CACNA2D3: variants seen among roughly 807,000 people sequenced by gnomAD.
The protein encoded by CACNA2D3 is calcium voltage-gated channel auxiliary subunit alpha2delta 3.
CACNA2D3 carries 60 observed loss-of-function variants against 160.6 expected under a neutral mutation model. That is an observed-to-expected ratio of 0.37 (90% CI 0.30 to 0.46). CACNA2D3 has a LOEUF of 0.46. Ranked by LOEUF, CACNA2D3 falls within the 20% of genes least tolerant of loss-of-function variation. The pLI is 1.00. For missense variants in CACNA2D3, 1,205 were observed against 1,365.0 expected, an observed-to-expected ratio of 0.88 and a Z score of 1.85; for synonymous variants, 558 against 492.9, an observed-to-expected ratio of 1.13 and a Z score of -1.75.
Position 54,799,730 on chromosome 3 carries a change from A to G in CACNA2D3, c.1381-17123A>G, listed in dbSNP as rs543330336. Among the ~76,000 whole-genome samples, 4 of 152,278 alleles carry G rather than the reference A, an allele frequency of 2.6e-5. No individual in the cohort carries two copies. In the East Asian group the frequency reaches 5.8e-4, roughly 22 times the overall value. On this transcript the variant is annotated intron_variant, in intron 13 of 37. Transcript: ENST00000474759. ...CTGGTGAGGTTTTCCTTGGAGGACC[A>G]TTCTGGCCATTATTGACTCTCTGGG... is the stretch of plus-strand genomic sequence containing the variant.
chr3:54,978,526 A>T (rs1454699093), intron 29 of CACNA2D3, among the ~76,000 whole-genome samples: 1 of 152,256 alleles, frequency 6.6e-6, no homozygotes, highest in Non-Finnish European at 1.5e-5. Flanking sequence ...AAAAGTGCTC[A>T]GTGTAAGAAA....
At chr3:54,804,744 A>T (rs1441278858) in intron 13 of CACNA2D3, among the ~76,000 whole-genome samples, 2 of 152,212 alleles carry the variant, frequency 1.3e-5, no homozygotes, top group African/African-American at 4.8e-5. Context: ...TCCACAGAAC[A>T]TACATTTTTT....
chr3:55,013,685 G>A (rs1281724470), intron 34 of CACNA2D3, among the ~76,000 whole-genome samples: 4 of 152,230 alleles, frequency 2.6e-5, no homozygotes, highest in Middle Eastern at 6.8e-3. Context: ...GAAGGGGACT[G>A]TGGAAGCCCA....
intron 4 of CACNA2D3, among the ~76,000 whole-genome samples, chr3:54,412,607 G>GTTGTTTTTTTTTTTTTTTTT (rs1342144952): frequency 2.5e-5 from 1 of 40,430 alleles, no homozygotes; most frequent in African/African-American, 7.3e-5. Flanking sequence ...TTCTGGTCTT[G>GTTGTTTTTTTTTTTTTTTTT]TTCTTTTTTT....
chr3:54,339,305 C>G (rs985205695), intron 3 of CACNA2D3, among the ~76,000 whole-genome samples: 17 of 152,140 alleles, frequency 1.1e-4, no homozygotes, highest in Admixed American at 4.6e-4. Context: ...ATTCAGGGTT[C>G]CTCTTGGATT....
intron 13 of CACNA2D3, among the ~76,000 whole-genome samples, chr3:54,783,159 G>A (rs4293674): frequency 0.02 from 3,033 of 152,176 alleles, 90 homozygotes; most frequent in African/African-American, 0.067. Flanking sequence ...TCCTGCATAC[G>A]TGTGTGTCCT....
intron 14 of CACNA2D3, among the ~76,000 whole-genome samples, chr3:54,836,793 G>A (rs1157051173): frequency 2.0e-5 from 3 of 152,006 alleles, no homozygotes; most frequent in Non-Finnish European, 4.4e-5. Flanking sequence ...TTTAGATTAC[G>A]GAGAAGCACT....
intron 4 of CACNA2D3, among the ~76,000 whole-genome samples, chr3:54,472,549 G>A (rs1700752645): frequency 6.6e-6 from 1 of 152,294 alleles, no homozygotes; most frequent in Non-Finnish European, 1.5e-5. Context: ...AGTCAGGCAA[G>A]AGAAAGAAAT....
intron 35 of CACNA2D3, among the ~76,000 whole-genome samples, chr3:55,053,153 T>G (rs2107209271): frequency 6.6e-6 from 1 of 152,200 alleles, no homozygotes; most frequent in Non-Finnish European, 1.5e-5. Context: ...TCCCACTGGT[T>G]TCTCTCCACC....
chr3:54,846,388 T>TA lies in CACNA2D3; in HGVS notation c.1552-4dup, dbSNP rs752843229. On this transcript the variant is annotated splice_region_variant and splice_polypyrimidine_tract_variant and intron_variant, in intron 16 of 37. Coordinates refer to ENST00000474759, the MANE Select transcript of CACNA2D3 (RefSeq NM_018398.3). The stretch of plus-strand genomic sequence containing the variant: ...TGAAGGTTTCTTTCTTGCTTCCTCT[T>TA]ACAGTTAGGGATTCACGGTTATGCC... 1.9e-6 allele frequency: 3 copies of TA among 1,596,900 alleles called. No individual in the cohort carries two copies. The highest frequency in any genetic ancestry group is 1.1e-5 in the South Asian group (1 of 88,092).
chr3:54,419,415 A>G (rs1195768643), intron 4 of CACNA2D3, among the ~76,000 whole-genome samples: 2 of 152,246 alleles, frequency 1.3e-5, no homozygotes, highest in Non-Finnish European at 2.9e-5. Flanking sequence ...GTTGTTTTAC[A>G]CAAGTACCTT....
At chr3:54,484,870 G>A (rs1305530015) in intron 4 of CACNA2D3, among the ~76,000 whole-genome samples, 2 of 147,130 alleles carry the variant, frequency 1.4e-5, no homozygotes, top group East Asian at 2.0e-4. Context: ...TTTGGGGGAT[G>A]GAGTCTTACT....
intron 2 of CACNA2D3, among the ~76,000 whole-genome samples, chr3:54,283,583 G>A (rs1187860400): frequency 6.6e-6 from 1 of 152,198 alleles, no homozygotes; most frequent in Non-Finnish European, 1.5e-5. Flanking sequence ...GGCTTTCATT[G>A]TAGTGTGATA....
chr3:54,907,272 C>G (rs1700467308), intron 27 of CACNA2D3, among the ~76,000 whole-genome samples: 1 of 152,286 alleles, frequency 6.6e-6, no homozygotes, highest in South Asian at 2.1e-4. Context: ...GGCCTCACCC[C>G]TGTGCCTTCC....
At chr3:54,784,484 A>G (rs958982623) in intron 13 of CACNA2D3, among the ~76,000 whole-genome samples, 2 of 151,958 alleles carry the variant, frequency 1.3e-5, no homozygotes, top group East Asian at 3.9e-4. Context: ...CCCCCCAAAT[A>G]GTCACTTTGT....
In CACNA2D3 at chr3:55,007,794, A is replaced by G. The variant is rs191332047; in HGVS notation, c.2771A>G (p.Tyr924Cys). ...GAACTGAATTCTTCTCTTCAGCCTT[A>G]TAATGCCTTCCTCTCTGCAGTAAAA... The part of the protein sequence containing the change: ...SDGAHGLLDP[Y>C]NAFLSAVKWI... Residue 924 changes from tyrosine (Y) to cysteine (C), a missense_variant, in exon 33 of 38, where the codon TAT (tyrosine) becomes TGT (cysteine). Around this residue, in one of 3 missense-constraint regions of CACNA2D3, gnomAD observed 911 missense variants for 1,002.2 expected, o/e 0.91. Coordinates refer to ENST00000474759, the MANE Select transcript of CACNA2D3 (RefSeq NM_018398.3). 2.5e-5 allele frequency: 39 copies of G among 1,556,696 alleles called. No homozygotes were observed. The East Asian group carries it at 7.4e-4, about 30-fold the overall frequency.
At chr3:54,303,385 G>A (rs959801918) in intron 2 of CACNA2D3, among the ~76,000 whole-genome samples, 2 of 152,142 alleles carry the variant, frequency 1.3e-5, no homozygotes, top group African/African-American at 4.8e-5. Context: ...ATTTCCTGAT[G>A]GAAATTGTTT....
Position 54,257,051 on chromosome 3 carries a change from A to G in CACNA2D3, c.205-63391A>G, listed in dbSNP as rs141600322. On this transcript the variant is annotated intron_variant, in intron 2 of 37. Transcript: ENST00000474759. ...CCACTGAAGCAGAAATGCAGATTCA[A>G]TGAGTAATTATTAAGAACTTTCCAG... is the stretch of plus-strand genomic sequence containing the variant. Among the ~76,000 whole-genome samples, 53 of 152,324 alleles carry G rather than the reference A, an allele frequency of 3.5e-4. 1 individual carries two copies. The East Asian group carries it at 9.1e-3, about 26-fold the overall frequency.
rs149478291 is a variant in CACNA2D3, at chr3:54,837,288, C to G, written c.1470+58C>G. 7.0e-4 allele frequency: 935 copies of G among 1,327,074 alleles called. 7 individuals carry two copies. The African/African-American group carries it at 0.012, about 17-fold the overall frequency. The allele number at this position is 1,327,074 out of a possible 1,614,324, so 82.2% of individuals were successfully genotyped here. A position where few individuals can be genotyped will look rare whatever the true frequency, so the allele number is the denominator to read the frequency against. ...CTAGGAGGGTGGTTTTCTCAGACCC[C>G]CTCTGACTCCAGCTCTGGTGACTTT... On this transcript the variant is annotated intron_variant, in intron 15 of 37. Transcript: ENST00000474759.
Sources: gnomAD v4.1 joint callset for allele counts (sites outside exome capture counted in the v4.1 genomes callset) on GRCh38, gnomAD v4.1.1 for gene constraint, gnomAD v4.1.1 regional missense constraint, MANE v1.5 for transcripts, NCBI Gene and HGNC (gene_info 2026-07-23, HGNC 2026-07-21) for gene names.